Variants in SERPINI2 observed in about 807,000 individuals in gnomAD.
SERPINI2 encodes serpin I2.
SERPINI2 carries 48 observed loss-of-function variants against 47.3 expected under a neutral mutation model. That is an observed-to-expected ratio of 1.02 (90% CI 0.81 to 1.29). The LOEUF is 1.29. Ranked by LOEUF, SERPINI2 falls within the 50% of genes most tolerant of loss-of-function variation. The pLI is 0.00. For missense variants in SERPINI2, 448 were observed against 456.9 expected, an observed-to-expected ratio of 0.98 and a Z score of 0.18; for synonymous variants, 135 against 149.3, an observed-to-expected ratio of 0.90 and a Z score of 0.70.
At chr3:167,465,164 G>A (rs753954544) in intron 5 of SERPINI2, 42 bp downstream of exon 5, 3 of 1,519,070 alleles carry the variant, frequency 2.0e-6, no homozygotes, top group Non-Finnish European at 2.7e-6. Flanking sequence ...TCCTATGTGA[G>A]TGGAAACGTA....
chr3:167,459,197 C>G (rs1318141649), intron 5 of SERPINI2, among the ~76,000 whole-genome samples: 1 of 151,078 alleles, frequency 6.6e-6, no homozygotes, highest in Non-Finnish European at 1.5e-5. Flanking sequence ...GCCTCAGCCT[C>G]CCGAGTAGCT....
At chr3:167,465,358 T>A in exon 5 of SERPINI2, 1 of 1,609,044 alleles carries the variant, frequency 6.2e-7, no homozygotes, top group Non-Finnish European at 8.5e-7. Context: ...TGTAAGACAA[T>A]TCTAAAACTT....
intron 8 of SERPINI2, 142 bp from the exon 9 acceptor site, chr3:167,442,327 T>C (rs1749351290): frequency 2.0e-6 from 1 of 510,418 alleles, no homozygotes; most frequent in South Asian, 3.7e-5. Context: ...TAGCAAAGCC[T>C]TCTCCTTTGT....
At position 167,445,332 on chromosome 3, in the gene SERPINI2, A is replaced by T. The variant is rs537863780; in HGVS notation, c.1141+1060T>A. On this transcript the variant is annotated intron_variant, in intron 8 of 8. Transcript: ENST00000264677. ...CTTTTTCACTTGCCTTTCTTCTTTT[A>T]TTCACTCCCTCATTCATATTTATTA... Among the ~76,000 whole-genome samples, 737 of 152,196 alleles carry T rather than the reference A, an allele frequency of 4.8e-3. 4 individuals carry two copies. Among genetic ancestry groups the T allele is most frequent in the Middle Eastern group, 0.014 (4 of 294 alleles).
rs577360132 is a variant in SERPINI2, at chr3:167,460,120, A to G, written c.866+5086T>C. Among the ~76,000 whole-genome samples the G allele has an allele frequency of 1.0e-3, 152 of 152,338 alleles. 1 individual carries two copies. Among genetic ancestry groups the G allele is most frequent in the Admixed American group, 3.2e-3 (49 of 15,302 alleles). On this transcript the variant is annotated intron_variant, in intron 5 of 8. Transcript: ENST00000264677. ...GAGAGAATCAATTTCTGTTGTTCTA[A>G]GTCACCTACTCTGTTGTGTTGTGCT...
chr3:167,449,784 C>T (rs1286183817), intron 6 of SERPINI2, among the ~76,000 whole-genome samples: 1 of 152,176 alleles, frequency 6.6e-6, no homozygotes. Context: ...TGAGCCACCA[C>T]GCCCAGCATC....
At chr3:167,454,111 G>A (rs947243503) in intron 5 of SERPINI2, among the ~76,000 whole-genome samples, 4 of 152,198 alleles carry the variant, frequency 2.6e-5, no homozygotes, top group Admixed American at 6.5e-5. Context: ...GAATGCATAC[G>A]CTAGTGCTCA....
intron 1 of SERPINI2, among the ~76,000 whole-genome samples, chr3:167,473,058 T>C (rs1339254243): frequency 6.6e-6 from 1 of 151,702 alleles, no homozygotes. Context: ...TAGGAGTCCC[T>C]AAGAACAACT....
chr3:167,458,886 TAAAATATAA>T (rs1749894117), intron 5 of SERPINI2, among the ~76,000 whole-genome samples: 1 of 152,208 alleles, frequency 6.6e-6, no homozygotes, highest in South Asian at 2.1e-4. Context: ...CATTTGCTAT[TAAAATATAA>T]ATGCTAACAC....
intron 5 of SERPINI2, among the ~76,000 whole-genome samples, chr3:167,458,274 G>A (rs1276727938): frequency 6.8e-5 from 9 of 132,144 alleles, no homozygotes; most frequent in African/African-American, 2.3e-4. Context: ...TTTTTGAGAC[G>A]GAGTCTCACT....
chr3:167,473,530 A>G (rs1307774829), intron 1 of SERPINI2, among the ~76,000 whole-genome samples: 2 of 151,620 alleles, frequency 1.3e-5, no homozygotes, highest in East Asian at 3.9e-4. Flanking sequence ...TTTGGTTTAT[A>G]TTGGAATAAT....
rs551261589 is a variant in SERPINI2, at chr3:167,470,274, C to T, written c.247+1314G>A. Among the ~76,000 whole-genome samples the T allele has an allele frequency of 2.8e-4, 43 of 152,164 alleles. 2 individuals are homozygous for T. In the South Asian group the frequency reaches 8.9e-3, roughly 32 times the overall value. On this transcript the variant is annotated intron_variant, in intron 2 of 8. Transcript: ENST00000264677. ...TGCAAAGAAAAATTCTTACAATTAA[C>T]TTCACTTCACTATTACCAACGTCTT...
intron 5 of SERPINI2, among the ~76,000 whole-genome samples, chr3:167,460,007 G>A (rs1749941507): frequency 6.6e-6 from 1 of 152,176 alleles, no homozygotes; most frequent in African/African-American, 2.4e-5. Flanking sequence ...TCGGAAGGTA[G>A]GAAGAGGCAA....
intron 5 of SERPINI2, among the ~76,000 whole-genome samples, chr3:167,459,078 G>GTTTTTTTTTTTTTTTTTTTTTTTTT (rs536122299): frequency 1.4e-5 from 2 of 139,028 alleles, no homozygotes; most frequent in African/African-American, 5.3e-5. Flanking sequence ...GTTTTTTTTT[G>GTTTTTTTTTTTTTTTTTTTTTTTTT]TTTTTTTTTT....
chr3:167,471,849 AT>A lies in SERPINI2; in HGVS notation c.-10-6del. The stretch of plus-strand genomic sequence containing the variant: ...ATTGTGTCCATTTTGACTTCTCTGT[AT>A]TGTTTAAATCAAAATATATTCATTT... On this transcript the variant is annotated splice_region_variant and splice_polypyrimidine_tract_variant and intron_variant, in intron 1 of 8. Transcript: ENST00000264677. 6.3e-7 allele frequency: 1 copy of A among 1,596,320 alleles called. No individual in the cohort carries two copies. Among genetic ancestry groups the A allele is most frequent in the Non-Finnish European group, 8.6e-7 (1 of 1,166,220 alleles).
In SERPINI2 at chr3:167,453,041, T is replaced by TA. The variant is rs372823238; in HGVS notation, c.867-9dup. On this transcript the variant is annotated splice_polypyrimidine_tract_variant and intron_variant, in intron 5 of 8. Coordinates refer to ENST00000264677, the Ensembl canonical transcript of SERPINI2. ...TTTTGTTCTACTTTAAATCTGTTATTAAAAAAAAAAGAAAAAGAAAAGTCT... is the reference window on the plus strand; with the variant it reads ...TTTTGTTCTACTTTAAATCTGTTATTAAAAAAAAAAAGAAAAAGAAAAGTCT... The TA allele has an allele frequency of 7.4e-3, 9,726 of 1,313,996 alleles. 2 individuals carry two copies. Among genetic ancestry groups the TA allele is most frequent in the South Asian group, 8.4e-3 (585 of 69,412 alleles). The allele number at this position is 1,313,996 out of a possible 1,614,324, so 81.4% of individuals were successfully genotyped here. A position where few individuals can be genotyped will look rare whatever the true frequency, so the allele number is the denominator to read the frequency against.
At chr3:167,465,609 A>G in exon 4 of SERPINI2, 1 of 1,613,632 alleles carries the variant, frequency 6.2e-7, no homozygotes, top group East Asian at 2.2e-5. Context: ...AATAAATAGC[A>G]TTCACCAGGA....
rs531200238 is a variant in SERPINI2, at chr3:167,461,178, G to A, written c.866+4028C>T. 3.3e-5 allele frequency among the ~76,000 whole-genome samples: 5 copies of A among 152,216 alleles called. 1 individual carries two copies. The highest frequency in any genetic ancestry group is 1.2e-4 in the African/African-American group (5 of 41,536). On this transcript the variant is annotated intron_variant, in intron 5 of 8. Coordinates refer to ENST00000264677, the Ensembl canonical transcript of SERPINI2. Reference sequence around the variant, plus strand: ...GCCACACAGAAGAGAAAGGAGTGGAGTCTGAGAATTCAGAGAAGACAATGT... The same window carrying A: ...GCCACACAGAAGAGAAAGGAGTGGAATCTGAGAATTCAGAGAAGACAATGT...
intron 5 of SERPINI2, among the ~76,000 whole-genome samples, chr3:167,458,822 A>C (rs2108162552): frequency 6.6e-6 from 1 of 152,314 alleles, no homozygotes; most frequent in East Asian, 1.9e-4. Flanking sequence ...TCAGTGCCTC[A>C]GTTTTCTTAT....
Sources: gnomAD v4.1 joint callset for allele counts (sites outside exome capture counted in the v4.1 genomes callset) on GRCh38, gnomAD v4.1.1 for gene constraint, MANE v1.5 for transcripts, NCBI Gene and HGNC (gene_info 2026-07-23, HGNC 2026-07-21) for gene names.